Variants in FRMD3 observed in about 807,000 individuals in gnomAD.
FRMD3 encodes FERM domain containing 3.
A neutral mutation model predicts 70.2 loss-of-function variants in FRMD3; 33 were observed. The observed-to-expected ratio is 0.47, with a 90% CI of 0.36 to 0.63. The LOEUF is 0.63. Among genes scored for constraint, FRMD3 ranks in the 20% least tolerant of loss-of-function variants. The pLI is 0.00. For missense variants in FRMD3, 632 were observed against 711.4 expected (o/e 0.89, Z 1.27); for synonymous variants, 279 against 255.9 (o/e 1.09, Z -0.86).
At chr9:83,562,395 T>C in the FRMD3 span, among the ~76,000 whole-genome samples, 1 of 152,178 alleles carries the variant, frequency 6.6e-6, no homozygotes, top group South Asian at 2.1e-4. Flanking sequence ...AAGGTGGCTA[T>C]AGCAGCTGGA....
chr9:83,391,092 G>A (rs978127217), intron 1 of FRMD3, among the ~76,000 whole-genome samples: 4 of 152,102 alleles, frequency 2.6e-5, no homozygotes, highest in African/African-American at 9.7e-5. Context: ...AGTGAAGGAC[G>A]GGGGTTTATA....
At chr9:83,470,941 C>G (rs1828253642) in intron 1 of FRMD3, among the ~76,000 whole-genome samples, 1 of 152,186 alleles carries the variant, frequency 6.6e-6, no homozygotes, top group South Asian at 2.1e-4. Flanking sequence ...GTTTTAGTTT[C>G]TAAATCTTTA....
intron 3 of FRMD3, among the ~76,000 whole-genome samples, chr9:83,368,402 G>A (rs1824858830): frequency 6.6e-6 from 1 of 151,982 alleles, no homozygotes; most frequent in South Asian, 2.1e-4. Context: ...CACGATCTCG[G>A]CTCACTGCAA....
At chr9:83,545,341 G>GTGT in the FRMD3 span, among the ~76,000 whole-genome samples, 19 of 146,070 alleles carry the variant, frequency 1.3e-4, no homozygotes, top group African/African-American at 4.8e-4. Flanking sequence ...ACAGAGAAAA[G>GTGT]TGTTGTTTTT....
intron 13 of FRMD3, among the ~76,000 whole-genome samples, chr9:83,255,509 G>T (rs2378656): frequency 0.97 from 146,954 of 152,232 alleles, 70,973 homozygotes; most frequent in East Asian, 1. Flanking sequence ...CCATTTGACA[G>T]AGTATTGGAA....
At chr9:83,419,158 A>C (rs932011500) in intron 1 of FRMD3, among the ~76,000 whole-genome samples, 66 of 152,198 alleles carry the variant, frequency 4.3e-4, no homozygotes, top group Admixed American at 2.8e-3. Flanking sequence ...GAGGGGGGCC[A>C]GGGGTTAAAA....
chr9:83,559,389 G>A, the FRMD3 span, among the ~76,000 whole-genome samples: 3 of 152,112 alleles, frequency 2.0e-5, no homozygotes, highest in Admixed American at 2.0e-4. Context: ...TAATGTTATT[G>A]TACATTTAAT....
At chr9:83,442,645 A>G (rs1216813741) in intron 1 of FRMD3, among the ~76,000 whole-genome samples, 1 of 150,566 alleles carries the variant, frequency 6.6e-6, no homozygotes. Flanking sequence ...TCCTCAGTGG[A>G]GGGGGGGTAC....
chr9:83,255,674 A>G (rs755265995), intron 13 of FRMD3, among the ~76,000 whole-genome samples: 8 of 152,204 alleles, frequency 5.3e-5, no homozygotes, highest in Non-Finnish European at 8.8e-5. Flanking sequence ...AACTTCAGCA[A>G]AGTCTCAGGA....
At chr9:83,332,229 C>T (rs1043656618) in intron 6 of FRMD3, among the ~76,000 whole-genome samples, 3 of 152,210 alleles carry the variant, frequency 2.0e-5, no homozygotes, top group Non-Finnish European at 4.4e-5. Flanking sequence ...TCCCTATCCT[C>T]CAGTACAGTG....
chr9:83,447,549 T>A (rs1271317534), intron 1 of FRMD3, among the ~76,000 whole-genome samples: 1 of 150,990 alleles, frequency 6.6e-6, no homozygotes, highest in Non-Finnish European at 1.5e-5. Context: ...TCAGGTGAGT[T>A]CTGTCATGGG....
the FRMD3 span, among the ~76,000 whole-genome samples, chr9:83,574,518 G>T: frequency 1.3e-5 from 2 of 152,228 alleles, no homozygotes; most frequent in Admixed American, 1.3e-4. Flanking sequence ...TAAAGTCCTA[G>T]GTCTGCTAAA....
At chr9:83,269,867 C>G (rs1020426090) in intron 13 of FRMD3, among the ~76,000 whole-genome samples, 1 of 152,156 alleles carries the variant, frequency 6.6e-6, no homozygotes, top group Non-Finnish European at 1.5e-5. Flanking sequence ...TTTCAGAGAT[C>G]GTAAGTAGAT....
chr9:83,556,169 C>G, the FRMD3 span, among the ~76,000 whole-genome samples: 2 of 151,956 alleles, frequency 1.3e-5, no homozygotes, highest in Admixed American at 6.6e-5. Context: ...TCTTTGTTCC[C>G]TCTCCACTCT....
chr9:83,396,045 G>T (rs1564056959), intron 1 of FRMD3, among the ~76,000 whole-genome samples: 1 of 152,212 alleles, frequency 6.6e-6, no homozygotes, highest in Admixed American at 6.5e-5. Context: ...CATTGGGGTA[G>T]TTAATATTCT....
intron 1 of FRMD3, among the ~76,000 whole-genome samples, chr9:83,405,369 A>G (rs1332248532): frequency 6.6e-6 from 1 of 152,118 alleles, no homozygotes; most frequent in Non-Finnish European, 1.5e-5. Flanking sequence ...CAGGGCTTAC[A>G]GTGATCCACT....
intron 3 of FRMD3, among the ~76,000 whole-genome samples, chr9:83,353,196 C>T (rs1824220330): frequency 6.9e-6 from 1 of 143,918 alleles, no homozygotes; most frequent in Non-Finnish European, 1.5e-5. Flanking sequence ...AGTTCTGTCA[C>T]AGTGATCCAG....
intron 1 of FRMD3, among the ~76,000 whole-genome samples, chr9:83,518,962 C>G (rs1328994519): frequency 6.6e-6 from 1 of 152,010 alleles, no homozygotes; most frequent in Non-Finnish European, 1.5e-5. Context: ...AAACTGGACC[C>G]CTTCCTTACA....
intron 3 of FRMD3, among the ~76,000 whole-genome samples, chr9:83,363,705 C>A (rs1200420763): frequency 6.6e-6 from 1 of 152,094 alleles, no homozygotes; most frequent in Non-Finnish European, 1.5e-5. Flanking sequence ...CAGGCGCCCG[C>A]CACCTCGCCC....
Sources: gnomAD v4.1 joint callset for allele counts (sites outside exome capture counted in the v4.1 genomes callset) on GRCh38, gnomAD v4.1.1 for gene constraint, MANE v1.5 for transcripts, NCBI Gene and HGNC (gene_info 2026-07-23, HGNC 2026-07-21) for gene names.